SHANK2: variants seen among roughly 807,000 people sequenced by gnomAD.
SHANK2 encodes the protein SH3 and multiple ankyrin repeat domains protein 2.
In SHANK2, 43 loss-of-function variants were observed where a neutral mutation model predicts 133.7. The observed-to-expected ratio is 0.32, with a 90% CI of 0.25 to 0.41. SHANK2 has a LOEUF of 0.41. Among genes scored for constraint, SHANK2 ranks in the 10% least tolerant of loss-of-function variants. The pLI, the probability that SHANK2 is intolerant of heterozygous loss-of-function variation, is 1.00. For missense variants in SHANK2, 1,994 were observed against 2,235.8 expected (o/e 0.89, Z 2.18); for synonymous variants, 1,017 against 952.8 (o/e 1.07, Z -1.24).
intron 3 of SHANK2, among the ~76,000 whole-genome samples, chr11:71,145,280 C>T (rs539429281): frequency 1.3e-5 from 2 of 152,248 alleles, no homozygotes; most frequent in South Asian, 4.2e-4. Flanking sequence ...TACACTAACA[C>T]TAAAGAGAGA....
At chr11:70,817,344 G>A (rs1948420298) in intron 12 of SHANK2, among the ~76,000 whole-genome samples, 1 of 152,170 alleles carries the variant, frequency 6.6e-6, no homozygotes, top group African/African-American at 2.4e-5. Flanking sequence ...GCTGAATCCT[G>A]GACAGATGGA....
At chr11:71,086,146 G>T in intron 8 of SHANK2, among the ~76,000 whole-genome samples, 3 of 12,332 alleles carry the variant, frequency 2.4e-4, no homozygotes, top group African/African-American at 5.3e-4. Context: ...AATATATTAT[G>T]TTATATAATA....
chr11:70,951,506 C>T (rs1254435553), intron 10 of SHANK2, among the ~76,000 whole-genome samples: 2 of 149,506 alleles, frequency 1.3e-5, no homozygotes, highest in Admixed American at 6.7e-5. Flanking sequence ...ATTCATTTCC[C>T]CTGGCTGCTG....
At chr11:70,706,970 G>A (rs1435883890) in intron 14 of SHANK2, among the ~76,000 whole-genome samples, 1 of 152,060 alleles carries the variant, frequency 6.6e-6, no homozygotes, top group Non-Finnish European at 1.5e-5. Context: ...GACTGTTTCT[G>A]GAAAAGGAAA....
intron 17 of SHANK2, 37 bp from the exon 18 acceptor site, chr11:70,502,968 C>T: frequency 3.7e-6 from 6 of 1,613,228 alleles, no homozygotes; most frequent in Non-Finnish European, 5.1e-6. Context: ...CAGTGAGAGC[C>T]AGCGGAGAGG....
At chr11:70,887,049 A>G (rs533783414) in intron 11 of SHANK2, among the ~76,000 whole-genome samples, 2 of 152,264 alleles carry the variant, frequency 1.3e-5, no homozygotes, top group East Asian at 3.9e-4. Context: ...CAAAAGCAAA[A>G]ACAACAAAGA....
intron 17 of SHANK2, among the ~76,000 whole-genome samples, chr11:70,509,825 A>G (rs950543436): frequency 6.6e-6 from 1 of 152,264 alleles, no homozygotes; most frequent in Non-Finnish European, 1.5e-5. Context: ...TGTGAAGAGA[A>G]GATGGCTTTC....
At chr11:71,240,279 AG>A (rs1384919200) in intron 1 of SHANK2, among the ~76,000 whole-genome samples, 1 of 152,196 alleles carries the variant, frequency 6.6e-6, no homozygotes, top group African/African-American at 2.4e-5. Context: ...TTCCAGAGCC[AG>A]CAGTGCAGAA....
intron 14 of SHANK2, among the ~76,000 whole-genome samples, chr11:70,767,462 C>A (rs1001395653): frequency 1.3e-5 from 2 of 152,188 alleles, no homozygotes; most frequent in Admixed American, 6.5e-5. Context: ...ACCCAAGTGT[C>A]CCTCAACAGA....
intron 11 of SHANK2, among the ~76,000 whole-genome samples, chr11:70,874,149 C>T (rs1949516732): frequency 6.6e-6 from 1 of 152,130 alleles, no homozygotes; most frequent in African/African-American, 2.4e-5. Flanking sequence ...ATCCATCTAT[C>T]CATATCTATC....
At chr11:70,480,893 G>A (rs2058724405) in intron 25 of SHANK2, among the ~76,000 whole-genome samples, 1 of 152,184 alleles carries the variant, frequency 6.6e-6, no homozygotes, top group African/African-American at 2.4e-5. Flanking sequence ...AGGAGCTTCC[G>A]GCTCTGAGCT....
intron 17 of SHANK2, among the ~76,000 whole-genome samples, chr11:70,528,389 C>A (rs908831180): frequency 1.3e-5 from 2 of 152,182 alleles, no homozygotes; most frequent in Non-Finnish European, 2.9e-5. Flanking sequence ...GCAGGTGCCA[C>A]CTGGTGGCCA....
At chr11:71,151,162 C>T (rs528254080) in intron 2 of SHANK2, among the ~76,000 whole-genome samples, 2 of 152,326 alleles carry the variant, frequency 1.3e-5, no homozygotes, top group East Asian at 3.9e-4. Flanking sequence ...CCCGCCCCAT[C>T]AGCCCTGGGC....
chr11:70,535,569 C>T lies in SHANK2; in HGVS notation c.2062-32638G>A, dbSNP rs1472604067. On this transcript the variant is annotated intron_variant, in intron 17 of 25. Coordinates refer to ENST00000601538, the MANE Select transcript of SHANK2 (RefSeq NM_012309.5). The surrounding 1 kb of genome is among the most constrained non-coding windows in gnomAD (Gnocchi z 4.3). ...TCATCTGTCTGTTCGTCCATCTCCC[C>T]GTCCTTCTGTCTGCTGGTGCATCTC... Among the ~76,000 whole-genome samples the T allele has an allele frequency of 1.3e-5, 2 of 152,270 alleles. No individual in the cohort carries two copies. Among genetic ancestry groups the T allele is most frequent in the South Asian group, 2.1e-4 (1 of 4,834 alleles).
Position 70,874,257 on chromosome 11 carries a change from C to T in SHANK2, c.1174+22244G>A, listed in dbSNP as rs566328568. ...TCACCCATCCAGCTATCCCTCTAAT[C>T]TAATCTAATCCAATCTAATCTAATC... On this transcript the variant is annotated intron_variant, in intron 11 of 25. Transcript: ENST00000601538. Among the ~76,000 whole-genome samples, 5 of 152,122 alleles carry T rather than the reference C, an allele frequency of 3.3e-5. No homozygotes were observed. In the East Asian group the frequency reaches 5.8e-4, roughly 18 times the overall value.
chr11:70,531,725 T>A (rs2000603), intron 17 of SHANK2, among the ~76,000 whole-genome samples: 15,116 of 152,166 alleles, frequency 0.099, 830 homozygotes, highest in Middle Eastern at 0.18. Context: ...GCAGAGACAC[T>A]GAGCGCCTTG....
At chr11:70,944,158 G>A (rs1473825419) in intron 10 of SHANK2, among the ~76,000 whole-genome samples, 6 of 152,222 alleles carry the variant, frequency 3.9e-5, no homozygotes, top group African/African-American at 9.7e-5. Flanking sequence ...TACATGTAAC[G>A]AATTTATCAC....
intron 14 of SHANK2, among the ~76,000 whole-genome samples, chr11:70,716,294 A>T (rs1418031863): frequency 6.6e-6 from 1 of 151,254 alleles, no homozygotes; most frequent in Non-Finnish European, 1.5e-5. Context: ...AGGGCCCAGG[A>T]GGGGGCCATG....
At chr11:70,531,686 C>T (rs181798099) in intron 17 of SHANK2, among the ~76,000 whole-genome samples, 176 of 152,282 alleles carry the variant, frequency 1.2e-3, no homozygotes, top group Admixed American at 0.01. Context: ...AGCAGCACCT[C>T]GGGGCTGGCA....
Sources: gnomAD v4.1 joint callset for allele counts (sites outside exome capture counted in the v4.1 genomes callset) on GRCh38, gnomAD v4.1.1 for gene constraint, Gnocchi (gnomAD v3.1) non-coding constraint, MANE v1.5 for transcripts, NCBI Gene and HGNC (gene_info 2026-07-23, HGNC 2026-07-21) for gene names.